Variants in SIRPD observed in about 807,000 individuals in gnomAD.
SIRPD encodes the protein signal regulatory protein delta, also known as signal-regulatory protein delta.
A neutral mutation model predicts 18.0 loss-of-function variants in SIRPD; 21 were observed. The observed-to-expected ratio is 1.17, with a 90% CI of 0.83 to 1.68. The LOEUF is 1.68. SIRPD is among the 40% of genes most tolerant of loss of function. The probability of loss-of-function intolerance (pLI) is 0.00; values close to 1 mark genes in which losing one functional copy is unlikely to be tolerated. For missense variants in SIRPD, 295 were observed against 238.4 expected (o/e 1.24, Z -1.56); for synonymous variants, 106 against 92.9 (o/e 1.14, Z -0.81).
At position 1,551,714 on chromosome 20, in the gene SIRPD, CG is replaced by C; in HGVS notation, c.397del (p.Arg133GlyfsTer75). On this transcript the variant is annotated frameshift_variant, in exon 2 of 4. Transcript: ENST00000381623. LOFTEE classifies it high-confidence loss of function. Reference protein sequence around the residue: ...GRAIKEYQSGRGTQVFVTEQN... With the variant: ...GRAIKEYQSGXGTQVFVTEQN... ...ACCAGTAACAAACACCTGAGTGCCC[CG>C]ACCTGATTGGTACTCCTTGATAGCT... The C allele has an allele frequency of 6.2e-7, 1 of 1,613,518 alleles. No homozygotes were observed. The highest frequency in any genetic ancestry group is 8.5e-7 in the Non-Finnish European group (1 of 1,179,650).
chr20:1,554,373 G>C (rs575925253), intron 1 of SIRPD: 1 of 152,658 alleles, frequency 6.6e-6, no homozygotes, highest in South Asian at 2.1e-4. Flanking sequence ...ATAGGTCAAG[G>C]TGGGATCTCA....
chr20:1,537,254 G>A lies in SIRPD; in HGVS notation c.478C>T (p.His160Tyr). The stretch of plus-strand genomic sequence containing the variant: ...GAGAGGCAGGTATGGGCATCATGGT[G>A]GGCCCTGGAGCCTGCTCTGCCTGCA... Reference protein sequence around the residue: ...RPAGRAGSRAHHDAHTCLSAL... With the variant: ...RPAGRAGSRAYHDAHTCLSAL... The change falls in exon 3 of 4, where the codon CAC becomes TAC. Residue 160 changes from histidine (H) to tyrosine (Y), a missense_variant. Coordinates refer to ENST00000381623, the MANE Select transcript of SIRPD (RefSeq NM_178460.3). 1 of 1,614,128 alleles carries A rather than the reference G, an allele frequency of 6.2e-7. No homozygotes were observed. The highest frequency in any genetic ancestry group is 8.5e-7 in the Non-Finnish European group (1 of 1,180,018).
In SIRPD at chr20:1,552,042, GAA is replaced by G. The variant is rs758217989; in HGVS notation, c.74-6_74-5del. 6.2e-7 allele frequency: 1 copy of G among 1,606,634 alleles called. No homozygotes were observed. The highest frequency in any genetic ancestry group is 8.5e-7 in the Non-Finnish European group (1 of 1,175,094). The stretch of plus-strand genomic sequence containing the variant: ...ACATGGAACACATGTGTGACTCCTG[GAA>G]AAAAGCTGAAAATCATTTCTCATTT... On this transcript the variant is annotated splice_polypyrimidine_tract_variant and splice_region_variant and intron_variant, in intron 1 of 3. Coordinates refer to ENST00000381623, the MANE Select transcript of SIRPD (RefSeq NM_178460.3).
chr20:1,537,411 G>C (rs1600061917), intron 2 of SIRPD, 101 bp from the exon 3 acceptor site: 1 of 1,327,166 alleles, frequency 7.5e-7, no homozygotes, highest in East Asian at 2.3e-5. Flanking sequence ...TTTCTAGATT[G>C]TGAAATAGGA....
intron 2 of SIRPD, among the ~76,000 whole-genome samples, chr20:1,550,249 G>T (rs1367689863): frequency 6.6e-6 from 1 of 152,118 alleles, no homozygotes; most frequent in African/African-American, 2.4e-5. Flanking sequence ...TGTTCCATTG[G>T]GTTGATTGGT....
chr20:1,556,323 C>T (rs2091041299), intron 1 of SIRPD, among the ~76,000 whole-genome samples: 1 of 152,080 alleles, frequency 6.6e-6, no homozygotes, highest in South Asian at 2.1e-4. Context: ...TAGCTTTTAC[C>T]TAAATATTTT....
At chr20:1,554,850 G>A (rs1192699438) in intron 1 of SIRPD, among the ~76,000 whole-genome samples, 1 of 152,180 alleles carries the variant, frequency 6.6e-6, no homozygotes, top group South Asian at 2.1e-4. Context: ...GGTTTTTGGA[G>A]TGTAGGATTA....
intron 1 of SIRPD, among the ~76,000 whole-genome samples, chr20:1,555,826 G>T (rs1357120018): frequency 6.6e-6 from 1 of 152,168 alleles, no homozygotes; most frequent in Non-Finnish European, 1.5e-5. Flanking sequence ...TTGTCCATTT[G>T]TAATTCAGAT....
At chr20:1,543,817 T>G (rs1453140159) in intron 2 of SIRPD, among the ~76,000 whole-genome samples, 1 of 152,222 alleles carries the variant, frequency 6.6e-6, no homozygotes, top group East Asian at 1.9e-4. Context: ...AAATTGTGTC[T>G]TTGTTCTCAT....
intron 2 of SIRPD, among the ~76,000 whole-genome samples, chr20:1,549,487 G>A (rs1035954452): frequency 2.0e-5 from 3 of 151,564 alleles, no homozygotes; most frequent in African/African-American, 7.3e-5. Flanking sequence ...CTGGATATTG[G>A]TCTTCCTCAC....
At chr20:1,535,810 A>T (rs182337700) in intron 3 of SIRPD, among the ~76,000 whole-genome samples, 2 of 152,224 alleles carry the variant, frequency 1.3e-5, no homozygotes, top group Non-Finnish European at 2.9e-5. Flanking sequence ...AATGTATACA[A>T]TGTGGAAAGT....
rs60382725 is a variant in SIRPD at position 1,548,971 on chromosome 20, G to T, written c.421+2720C>A. Among the ~76,000 whole-genome samples, 1,390 of 151,712 alleles carry T rather than the reference G, an allele frequency of 9.2e-3. 22 individuals carry two copies. Among genetic ancestry groups the T allele is most frequent in the African/African-American group, 0.033 (1,356 of 41,366 alleles). ...TCTGCTATCCCTATTACATGTATGC[G>T]GTGTGCTTAATGATGGCTTACATTT... On this transcript the variant is annotated intron_variant, in intron 2 of 3. Transcript: ENST00000381623.
At chr20:1,545,214 A>G (rs2090988561) in intron 2 of SIRPD, among the ~76,000 whole-genome samples, 1 of 152,124 alleles carries the variant, frequency 6.6e-6, no homozygotes, top group Non-Finnish European at 1.5e-5. Context: ...TGTGTTTTCC[A>G]ACTTGGTTCC....
At position 1,537,886 on chromosome 20, in the gene SIRPD, G is replaced by C. The variant is rs573909002; in HGVS notation, c.422-576C>G. On this transcript the variant is annotated intron_variant, in intron 2 of 3. Transcript: ENST00000381623. ...GGGAAGAAGCCTGTGTGTGTCAAGC[G>C]GGGGGTGCAGGGCCTTAGTGTGCTC... is the stretch of plus-strand genomic sequence containing the variant. Among the ~76,000 whole-genome samples, 3 of 152,198 alleles carry C rather than the reference G, an allele frequency of 2.0e-5. No homozygotes were observed. In the South Asian group the frequency reaches 6.2e-4, roughly 32 times the overall value.
chr20:1,552,685 T>C (rs775363604), intron 1 of SIRPD, among the ~76,000 whole-genome samples: 12 of 152,108 alleles, frequency 7.9e-5, no homozygotes, highest in Admixed American at 5.2e-4. Context: ...TTTACCCTCC[T>C]ACACAGTCAT....
intron 2 of SIRPD, among the ~76,000 whole-genome samples, chr20:1,540,786 T>G (rs1161445399): frequency 1.3e-5 from 2 of 152,186 alleles, no homozygotes; most frequent in Admixed American, 6.5e-5. Flanking sequence ...CTGTCTCTCC[T>G]CTTGTCCCCC....
At chr20:1,554,732 A>G (rs947953812) in intron 1 of SIRPD, among the ~76,000 whole-genome samples, 1 of 152,140 alleles carries the variant, frequency 6.6e-6, no homozygotes, top group Non-Finnish European at 1.5e-5. Context: ...GCTCCCTCCC[A>G]TACCGGGTGT....
At chr20:1,551,539 A>G (rs2091019043) in intron 2 of SIRPD, 152 bp downstream of exon 2, 1 of 661,304 alleles carries the variant, frequency 1.5e-6, no homozygotes, top group Non-Finnish European at 2.5e-6. Context: ...TAAAATACCT[A>G]ACTCACAGCT....
rs370172231 is a variant in SIRPD, at chr20:1,537,363, G to A, written c.422-53C>T. ...CCATGATATAAGAGGAAGTTACTAT[G>A]ATGGGAGGAAAGGGCTGTAGGATTA... On this transcript the variant is annotated intron_variant, in intron 2 of 3. Transcript: ENST00000381623. 5.1e-6 allele frequency: 8 copies of A among 1,566,426 alleles called. No homozygotes were observed. The South Asian group carries it at 5.7e-5, about 11-fold the overall frequency.
Sources: allele counts gnomAD v4.1 joint callset (sites outside exome capture counted in the v4.1 genomes callset), GRCh38; gene constraint gnomAD v4.1.1; transcripts MANE v1.5; gene names NCBI Gene and HGNC (gene_info 2026-07-23, HGNC 2026-07-21).